The following KIF26B variants were observed in gnomAD, a reference collection of about 807,000 sequenced individuals.
KIF26B encodes kinesin-like protein KIF26B.
Under a neutral mutation model 151.2 loss-of-function variants are expected in KIF26B, and 63 were observed. The observed-to-expected ratio is 0.42, with a 90% confidence interval of 0.34 to 0.51. The LOEUF (loss-of-function observed/expected upper bound fraction) is 0.51, where lower values mean the gene tolerates loss of function less well. KIF26B is among the 20% of genes least tolerant of loss of function. KIF26B has a pLI of 0.07. For synonymous variants in KIF26B, 1,357 were observed against 1,262.1 expected (o/e 1.08, Z -1.59); for missense variants, 2,813 against 2,913.6 (o/e 0.97, Z 0.79).
chr1:245,676,766 T>G (rs2044361343), intron 10 of KIF26B, among the ~76,000 whole-genome samples: 1 of 152,194 alleles, frequency 6.6e-6, no homozygotes, highest in South Asian at 2.1e-4. Context: ...TGCAAACTCT[T>G]TCCATCCAGT....
chr1:245,702,591 C>G lies in KIF26B; in HGVS notation c.6312C>G (p.Thr2104=). The G allele has an allele frequency of 1.2e-6, 2 of 1,613,910 alleles. No homozygotes were observed. Among genetic ancestry groups the G allele is most frequent in the African/African-American group, 2.7e-5 (2 of 75,044 alleles). ...TGATGATCACCTGCTTCGACATCAC[C>G]TCCAGGCGCCGGTAGATGAGCCAGA... ...HLMMITCFDI[T]SRRR Residue 2104 remains threonine, a synonymous_variant, in exon 15 of 15, where the codon ACC becomes ACG. Coordinates refer to ENST00000407071, the MANE Select transcript of KIF26B (RefSeq NM_018012.4). This position sits in a 1 kb window ranked among gnomAD's most constrained non-coding sequence, Gnocchi z 4.1.
At chr1:245,570,514 G>A (rs746976691) in intron 5 of KIF26B, among the ~76,000 whole-genome samples, 3 of 152,088 alleles carry the variant, frequency 2.0e-5, no homozygotes, top group Non-Finnish European at 2.9e-5. Flanking sequence ...GATGCCTCCC[G>A]TAAGTATTTT....
chr1:245,558,835 T>C (rs1284171232), intron 5 of KIF26B, among the ~76,000 whole-genome samples: 1 of 152,192 alleles, frequency 6.6e-6, no homozygotes, highest in Non-Finnish European at 1.5e-5. Flanking sequence ...TCGCCAACCT[T>C]TGGGCTTAAG....
intron 2 of KIF26B, among the ~76,000 whole-genome samples, chr1:245,168,879 TCG>T (rs1345789641): frequency 2.6e-5 from 4 of 152,190 alleles, no homozygotes; most frequent in Non-Finnish European, 4.4e-5. Context: ...GCAGTTATCA[TCG>T]ATTTTTATTT....
At chr1:245,390,334 C>T (rs1443266501) in intron 3 of KIF26B, among the ~76,000 whole-genome samples, 2 of 152,136 alleles carry the variant, frequency 1.3e-5, no homozygotes, top group African/African-American at 2.4e-5. Context: ...TCTCCTGCCT[C>T]ATCCTCCTGA....
At chr1:245,179,371 C>T (rs1668865019) in intron 2 of KIF26B, among the ~76,000 whole-genome samples, 7 of 152,190 alleles carry the variant, frequency 4.6e-5, no homozygotes, top group Admixed American at 2.6e-4. Context: ...TGCCTGTAAT[C>T]CTAGTTCTTT....
At chr1:245,547,861 A>G (rs952597336) in intron 5 of KIF26B, among the ~76,000 whole-genome samples, 1 of 152,074 alleles carries the variant, frequency 6.6e-6, no homozygotes, top group Admixed American at 6.5e-5. Flanking sequence ...GTGAGCAGGG[A>G]GGACTGGTTT....
intron 2 of KIF26B, among the ~76,000 whole-genome samples, chr1:245,230,996 T>C (rs1017918561): frequency 1.3e-5 from 2 of 149,820 alleles, no homozygotes; most frequent in Admixed American, 1.3e-4. Context: ...CAAAAAAAAA[T>C]CATCTCAGGC....
intron 3 of KIF26B, among the ~76,000 whole-genome samples, chr1:245,370,318 T>C (rs1232891531): frequency 6.6e-6 from 1 of 152,106 alleles, no homozygotes; most frequent in Non-Finnish European, 1.5e-5. Context: ...TTCCACGCTA[T>C]GGAGATGTCC....
intron 2 of KIF26B, among the ~76,000 whole-genome samples, chr1:245,309,917 T>G (rs1671634316): frequency 6.8e-6 from 1 of 146,800 alleles, no homozygotes; most frequent in Non-Finnish European, 1.5e-5. Flanking sequence ...TTACTATATA[T>G]ATAAATCAAT....
chr1:245,603,357 G>C (rs990170334), intron 6 of KIF26B, among the ~76,000 whole-genome samples: 4 of 152,132 alleles, frequency 2.6e-5, no homozygotes, highest in African/African-American at 9.7e-5. Flanking sequence ...TCGCTGAATT[G>C]CTGCCTTACA....
In KIF26B at chr1:245,698,188, C is replaced by A. The variant is rs749041108; in HGVS notation, c.5907C>A (p.Val1969=). 4 of 1,614,056 alleles carry A rather than the reference C, an allele frequency of 2.5e-6. No homozygotes were observed. The highest frequency in any genetic ancestry group is 4.5e-5 in the East Asian group (2 of 44,882). The part of the protein sequence containing the change: ...PVRKPPNSTG[V]RWVDGPLRSS... Reference sequence around the variant, plus strand: ...GAAAACCCCCCAACAGCACAGGCGTCCGCTGGGTGGATGGCCCCTTGCGGA... The same window carrying A: ...GAAAACCCCCCAACAGCACAGGCGTACGCTGGGTGGATGGCCCCTTGCGGA... The change falls in exon 13 of 15, where the codon GTC becomes GTA. Residue 1969 remains valine (V), a synonymous_variant. Coordinates refer to ENST00000407071, the MANE Select transcript of KIF26B (RefSeq NM_018012.4). The surrounding 1 kb of genome is among the most constrained non-coding windows in gnomAD (Gnocchi z 4.0).
Position 245,688,564 on chromosome 1 carries a change from C to T in KIF26B, c.5581C>T (p.His1861Tyr). ...YSKITPPRRP[H>Y]RCSSGHGSDN... is the part of the protein sequence containing the mutation. ...CAAGATCACGCCCCCGCGGAGGCCCCACCGCTGCAGCAGCGGCCACGGCAG... is the reference window on the plus strand; with the variant it reads ...CAAGATCACGCCCCCGCGGAGGCCCTACCGCTGCAGCAGCGGCCACGGCAG... The change falls in exon 12 of 15, where the codon CAC becomes TAC. Residue 1861 changes from histidine to tyrosine, a missense_variant. Physicochemically the swap from His to Tyr is moderately conservative, Grantham distance 83 (BLOSUM62 2). Coordinates refer to ENST00000407071, the MANE Select transcript of KIF26B (RefSeq NM_018012.4). 1.3e-6 allele frequency: 2 copies of T among 1,553,162 alleles called. No individual in the cohort carries two copies. Among genetic ancestry groups the T allele is most frequent in the Non-Finnish European group, 1.7e-6 (2 of 1,152,124 alleles).
intron 3 of KIF26B, among the ~76,000 whole-genome samples, chr1:245,407,359 A>G (rs1267914494): frequency 1.3e-5 from 2 of 151,878 alleles, no homozygotes; most frequent in Non-Finnish European, 1.5e-5. Flanking sequence ...CGCATCTCAC[A>G]CTCAAACTGA....
At chr1:245,174,121 CT>C (rs1382506777) in intron 2 of KIF26B, among the ~76,000 whole-genome samples, 1 of 152,228 alleles carries the variant, frequency 6.6e-6, no homozygotes, top group African/African-American at 2.4e-5. Context: ...GATTTATTAT[CT>C]CTTGGGTGCT....
intron 10 of KIF26B, among the ~76,000 whole-genome samples, chr1:245,674,728 C>CATATT (rs1558263736): frequency 6.6e-6 from 1 of 152,136 alleles, no homozygotes; most frequent in African/African-American, 2.4e-5. Flanking sequence ...ATAAGTTGTA[C>CATATT]ATATTGGCTG....
intron 2 of KIF26B, among the ~76,000 whole-genome samples, chr1:245,342,592 C>G (rs1012418696): frequency 1.3e-5 from 2 of 151,968 alleles, no homozygotes; most frequent in African/African-American, 4.8e-5. Context: ...TTCCCAAAGA[C>G]CCGGGGCTGG....
At chr1:245,229,043 T>C (rs1265838950) in intron 2 of KIF26B, among the ~76,000 whole-genome samples, 1 of 152,216 alleles carries the variant, frequency 6.6e-6, no homozygotes, top group Admixed American at 6.5e-5. Flanking sequence ...CTTGGCTCAC[T>C]GCAGCCTCCG....
Position 245,687,782 on chromosome 1 carries a change from CT to C in KIF26B, c.4800del (p.Val1601SerfsTer27). 2 of 1,585,954 alleles carry C rather than the reference CT, an allele frequency of 1.3e-6. No homozygotes were observed. The highest frequency in any genetic ancestry group is 1.7e-6 in the Non-Finnish European group (2 of 1,166,800). On this transcript the variant is annotated frameshift_variant, in exon 12 of 15. Coordinates refer to ENST00000407071, the MANE Select transcript of KIF26B (RefSeq NM_018012.4). LOFTEE classifies it high-confidence loss of function. This position sits in a 1 kb window ranked among gnomAD's most constrained non-coding sequence, Gnocchi z 4.9. ...ARPKGTPPLP[P>X]VRKSSLDQKN... ...CCCAAAGGGACTCCCCCTCTGCCCC[CT>C]GTCCGAAAGTCCAGCCTGGACCAGA...
Sources: gnomAD v4.1 joint callset for allele counts (sites outside exome capture counted in the v4.1 genomes callset) on GRCh38, gnomAD v4.1.1 for gene constraint, Gnocchi (gnomAD v3.1) non-coding constraint, MANE v1.5 for transcripts, NCBI Gene and HGNC (gene_info 2026-07-23, HGNC 2026-07-21) for gene names.